ZNF320: variants seen among roughly 807,000 people sequenced by gnomAD.
ZNF320 encodes zinc finger gene 320.
In ZNF320, 2 loss-of-function variants were observed where a neutral mutation model predicts 6.8. That is an observed-to-expected ratio of 0.29 (90% confidence interval 0.12 to 0.93). The LOEUF (loss-of-function observed/expected upper bound fraction) is 0.93. Ranked by LOEUF, ZNF320 falls within the 40% of genes least tolerant of loss-of-function variation. The probability of loss-of-function intolerance (pLI) is 0.55; values close to 1 mark genes in which losing one functional copy is unlikely to be tolerated. For missense variants in ZNF320, 472 were observed against 611.0 expected, an observed-to-expected ratio of 0.77 and a Z score of 2.40; for synonymous variants, 208 against 203.2, an observed-to-expected ratio of 1.02 and a Z score of -0.20.
the ZNF320 span, among the ~76,000 whole-genome samples, chr19:52,903,071 T>C: frequency 6.6e-6 from 1 of 152,038 alleles, no homozygotes; most frequent in Non-Finnish European, 1.5e-5. Flanking sequence ...ACTTTTCTTA[T>C]ACACCTTGTA....
At chr19:52,866,869 C>CAAAAAAA (rs58231328) in intron 5 of ZNF320, among the ~76,000 whole-genome samples, 35 of 108,926 alleles carry the variant, frequency 3.2e-4, no homozygotes, top group African/African-American at 7.8e-4. Flanking sequence ...ACAAAACATA[C>CAAAAAAA]AAAAAAAAAA....
intron 1 of ZNF320, chr19:52,895,022 C>T (rs1468291483): frequency 4.6e-5 from 7 of 152,220 alleles, no homozygotes; most frequent in African/African-American, 9.6e-5. Context: ...TCCAGCCCAT[C>T]GTTCAACATC....
intron 5 of ZNF320, among the ~76,000 whole-genome samples, chr19:52,866,290 G>A (rs1254691610): frequency 2.0e-5 from 3 of 150,422 alleles, no homozygotes; most frequent in African/African-American, 4.9e-5. Flanking sequence ...GCTGGGTGCA[G>A]TGACTCATGC....
chr19:52,890,120 G>A (rs1600645936), intron 4 of ZNF320, 121 bp downstream of exon 4: 1 of 1,439,214 alleles, frequency 6.9e-7, no homozygotes, highest in African/African-American at 1.4e-5. Flanking sequence ...GGGAAGGCAT[G>A]GGTGATTGTG....
chr19:52,886,874 G>A (rs2064095910), intron 5 of ZNF320, among the ~76,000 whole-genome samples: 1 of 151,902 alleles, frequency 6.6e-6, no homozygotes, highest in Non-Finnish European at 1.5e-5. Flanking sequence ...GGCAGAGGCT[G>A]CAGTTAGCCA....
chr19:52,896,800 A>G (rs1176579708), intron 1 of ZNF320, among the ~76,000 whole-genome samples: 1 of 152,232 alleles, frequency 6.6e-6, no homozygotes, highest in Non-Finnish European at 1.5e-5. Context: ...AAAACTAGAC[A>G]AAAAGGAAAA....
chr19:52,863,998 C>A, exon 6 of ZNF320: 1 of 462,084 alleles, frequency 2.2e-6, no homozygotes, highest in South Asian at 1.6e-5. Context: ...TACACAAGGA[C>A]AGATTCTTCA....
intron 5 of ZNF320, among the ~76,000 whole-genome samples, chr19:52,871,051 G>T (rs1285199011): frequency 6.6e-6 from 1 of 152,142 alleles, no homozygotes; most frequent in African/African-American, 2.4e-5. Context: ...GGAGGCTGAG[G>T]CAGGAGAATT....
intron 5 of ZNF320, among the ~76,000 whole-genome samples, chr19:52,864,641 G>A (rs1202729201): frequency 1.3e-5 from 2 of 152,128 alleles, no homozygotes; most frequent in African/African-American, 4.8e-5. Context: ...CTCCCAGGAG[G>A]CAGAGGATGC....
intron 4 of ZNF320, chr19:52,888,578 T>A: frequency 5.1e-6 from 1 of 194,774 alleles, no homozygotes; most frequent in Non-Finnish European, 1.0e-5. Flanking sequence ...TTCAGTGAGC[T>A]GCGATTGCAC....
upstream of ZNF320, among the ~76,000 whole-genome samples, chr19:52,900,235 G>A (rs1293740849): frequency 6.6e-6 from 1 of 152,164 alleles, no homozygotes; most frequent in East Asian, 1.9e-4. Context: ...TTCTTTTTGT[G>A]TAACTGGAAC....
chr19:52,862,067 A>G (rs2063489667), exon 6 of ZNF320: 1 of 374,920 alleles, frequency 2.7e-6, no homozygotes. Flanking sequence ...CGATGTCTGA[A>G]AACTTTGCCA....
upstream of ZNF320, among the ~76,000 whole-genome samples, chr19:52,901,884 C>T (rs942021924): frequency 1.3e-5 from 2 of 151,248 alleles, no homozygotes; most frequent in Non-Finnish European, 2.9e-5. Context: ...TGGCCAGGGC[C>T]TTACAGTCTG....
chr19:52,879,781 T>TTTCC lies in ZNF320; in HGVS notation c.*811_*814dup, dbSNP rs1429433037. ...ATAACAGCACCAAAAATTAGTTGAATTTCCATACATTAACAATAAACAATT... is the reference window on the plus strand; with the variant it reads ...ATAACAGCACCAAAAATTAGTTGAATTTCCTTCCATACATTAACAATAAACAATT... On this transcript the variant is annotated 3_prime_UTR_variant, in exon 6 of 6. Transcript: ENST00000682928. 2 of 152,148 alleles carry TTTCC rather than the reference T, an allele frequency of 1.3e-5. No homozygotes were observed. The highest frequency in any genetic ancestry group is 2.9e-5 in the Non-Finnish European group (2 of 68,034). 9.4% of individuals were successfully genotyped at this position (152,148 alleles called of 1,614,324 possible). A position where few individuals can be genotyped will look rare whatever the true frequency, so the allele number is the denominator to read the frequency against.
At chr19:52,889,537 GAGAAAAATTGTA>G (rs2064218620) in intron 4 of ZNF320, among the ~76,000 whole-genome samples, 1 of 152,128 alleles carries the variant, frequency 6.6e-6, no homozygotes, top group Admixed American at 6.5e-5. Flanking sequence ...TGCCATATTT[GAGAAAAATTGTA>G]ACCAGTTTTA....
upstream of ZNF320, among the ~76,000 whole-genome samples, chr19:52,902,025 T>A (rs13343389): frequency 0.4 from 60,966 of 150,718 alleles, 13,135 homozygotes; most frequent in Non-Finnish European, 0.48. Context: ...GTTGATGAAA[T>A]ACCAGGGTGA....
chr19:52,885,836 G>C (rs1280595265), intron 5 of ZNF320, among the ~76,000 whole-genome samples: 1 of 152,158 alleles, frequency 6.6e-6, no homozygotes, highest in East Asian at 1.9e-4. Flanking sequence ...AACCGGGGAG[G>C]TGGAGGTTGT....
At chr19:52,869,689 A>G (rs912946195) in intron 5 of ZNF320, among the ~76,000 whole-genome samples, 1 of 151,962 alleles carries the variant, frequency 6.6e-6, no homozygotes, top group Non-Finnish European at 1.5e-5. Context: ...GGTGCCTGCC[A>G]CCGGGCCTGG....
rs1187084644 is a variant in ZNF320 at position 52,870,492 on chromosome 19, A to AG, written c.223+3499_223+3500insC. On this transcript the variant is annotated intron_variant, in intron 5 of 5. Transcript: ENST00000673631. The stretch of plus-strand genomic sequence containing the variant: ...GACTCCGTCTCAAAAAAAAAAAAAA[A>AG]AAAGAAAAATACTTAAGATCATTAC... Among the ~76,000 whole-genome samples, 144 of 151,746 alleles carry AG rather than the reference A, an allele frequency of 9.5e-4. 1 individual carries two copies. Among genetic ancestry groups the AG allele is most frequent in the South Asian group, 4.2e-4 (2 of 4,810 alleles).
Sources: allele counts gnomAD v4.1 joint callset (sites outside exome capture counted in the v4.1 genomes callset), GRCh38; gene constraint gnomAD v4.1.1; transcripts MANE v1.5; gene names NCBI Gene and HGNC (gene_info 2026-07-23, HGNC 2026-07-21).